FGF1: variants seen among roughly 807,000 people sequenced by gnomAD.
FGF1 encodes the protein fibroblast growth factor 1, also known as beta-endothelial cell growth factor.
A neutral mutation model predicts 13.4 loss-of-function variants in FGF1; 9 were observed. The ratio of observed to expected loss-of-function variants is 0.67; its 90% CI spans 0.40 to 1.17. The LOEUF is 1.17. Ranked by LOEUF, FGF1 falls within the 50% of genes most tolerant of loss-of-function variation. The pLI is 0.01. For missense variants in FGF1, 156 were observed against 192.7 expected, an observed-to-expected ratio of 0.81 and a Z score of 1.13; for synonymous variants, 93 against 79.0, an observed-to-expected ratio of 1.18 and a Z score of -0.94.
chr5:142,682,143 T>A (rs1274116525), intron 1 of FGF1, among the ~76,000 whole-genome samples: 1 of 151,616 alleles, frequency 6.6e-6, no homozygotes, highest in African/African-American at 2.4e-5. Flanking sequence ...TGGAGCGCAA[T>A]GGCGCGATCT....
chr5:142,664,633 T>C (rs1239151236), intron 1 of FGF1, among the ~76,000 whole-genome samples: 1 of 152,230 alleles, frequency 6.6e-6, no homozygotes, highest in African/African-American at 2.4e-5. Flanking sequence ...TGATAAAATA[T>C]GGAAGTAGCC....
rs551355687 is a variant in FGF1, at chr5:142,600,507, GT to G, written c.273+194del. ...TGTTTATATGATAATACATTTGAGA[GT>G]TTTGAGAGAATACTACAAGAAACTC... is the stretch of plus-strand genomic sequence containing the variant. On this transcript the variant is annotated intron_variant, in intron 3 of 3. Transcript: ENST00000337706. Among the ~76,000 whole-genome samples the G allele has an allele frequency of 3.9e-5, 6 of 152,358 alleles. No individual in the cohort carries two copies. In the East Asian group the frequency reaches 1.2e-3, roughly 29 times the overall value.
chr5:142,631,073 G>C (rs1171378756), intron 1 of FGF1, among the ~76,000 whole-genome samples: 1 of 152,118 alleles, frequency 6.6e-6, no homozygotes, highest in Non-Finnish European at 1.5e-5. Flanking sequence ...GGGAGGGAGG[G>C]AACAAATGAA....
chr5:142,648,074 G>C (rs568714112), intron 1 of FGF1, among the ~76,000 whole-genome samples: 2 of 152,262 alleles, frequency 1.3e-5, no homozygotes, highest in East Asian at 3.9e-4. Flanking sequence ...GACAGAGTGA[G>C]ACTCTATCTC....
rs567773125 is a variant in FGF1 at position 142,604,469 on chromosome 5, A to G, written c.170-3664T>C. ...CTTGATATAAACAGTATAAAATTAAAGAGTGTGGGCTCCAGAACACAACTG... is the reference window on the plus strand; with the variant it reads ...CTTGATATAAACAGTATAAAATTAAGGAGTGTGGGCTCCAGAACACAACTG... On this transcript the variant is annotated intron_variant, in intron 2 of 3. Coordinates refer to ENST00000337706, the MANE Select transcript of FGF1 (RefSeq NM_000800.5). Among the ~76,000 whole-genome samples, 8 of 152,324 alleles carry G rather than the reference A, an allele frequency of 5.3e-5. No individual in the cohort carries two copies. The South Asian group carries it at 1.7e-3, about 32-fold the overall frequency.
chr5:142,644,711 G>A (rs765015860), intron 1 of FGF1, among the ~76,000 whole-genome samples: 3 of 152,126 alleles, frequency 2.0e-5, no homozygotes, highest in South Asian at 2.1e-4. Context: ...TACTATAATT[G>A]TCTGTTTATC....
chr5:142,662,397 G>C (rs1769422602), intron 1 of FGF1, among the ~76,000 whole-genome samples: 1 of 152,138 alleles, frequency 6.6e-6, no homozygotes, highest in Non-Finnish European at 1.5e-5. Flanking sequence ...TCTCCAACAT[G>C]CTTATTAGAG....
intron 1 of FGF1, among the ~76,000 whole-genome samples, chr5:142,628,338 G>A (rs182175188): frequency 3.2e-4 from 49 of 152,148 alleles, no homozygotes; most frequent in Admixed American, 2.4e-3. Context: ...ATGAAACCCC[G>A]TCTCTACTAA....
intron 1 of FGF1, among the ~76,000 whole-genome samples, chr5:142,639,119 CA>C (rs1300730769): frequency 6.6e-6 from 1 of 151,826 alleles, no homozygotes; most frequent in Non-Finnish European, 1.5e-5. Flanking sequence ...AGAGGTTCCT[CA>C]AAAAAATAAA....
rs542954022 is a variant in FGF1 at position 142,658,444 on chromosome 5, T to C, written c.-35+27513A>G. Among the ~76,000 whole-genome samples the C allele has an allele frequency of 1.2e-4, 18 of 152,354 alleles. No individual in the cohort carries two copies. In the South Asian group the frequency reaches 3.1e-3, roughly 26 times the overall value. On this transcript the variant is annotated intron_variant, in intron 1 of 3. Coordinates refer to ENST00000337706, the MANE Select transcript of FGF1 (RefSeq NM_000800.5). ...CCTAAAGGCCAAAGGCCAAACTTCT[T>C]AGCATGGCATTCAAGGCTCTTGACT...
rs188387900 is a variant in FGF1 at position 142,667,152 on chromosome 5, C to T, written c.-35+18805G>A. On this transcript the variant is annotated intron_variant, in intron 1 of 3. Coordinates refer to ENST00000337706, the MANE Select transcript of FGF1 (RefSeq NM_000800.5). ...AAAATTAGCTGGGCAACGGTGGTGA[C>T]GGGAGCCTTTAGTCCCAGCTACTCG... is the stretch of plus-strand genomic sequence containing the variant. 1.7e-3 allele frequency among the ~76,000 whole-genome samples: 265 copies of T among 151,668 alleles called. 1 individual carries two copies. Among genetic ancestry groups the T allele is most frequent in the African/African-American group, 5.7e-3 (237 of 41,330 alleles).
In FGF1 at chr5:142,594,289, C is replaced by T. The variant is rs1486977887; in HGVS notation, c.*1001G>A. The T allele has an allele frequency of 1.3e-5, 2 of 152,278 alleles. No homozygotes were observed. Among genetic ancestry groups the T allele is most frequent in the African/African-American group, 4.8e-5 (2 of 41,436 alleles). The allele number at this position is 152,278 out of a possible 1,614,324, so 9.4% of individuals were successfully genotyped here. On this transcript the variant is annotated 3_prime_UTR_variant, in exon 4 of 4. Coordinates refer to ENST00000337706, the MANE Select transcript of FGF1 (RefSeq NM_000800.5). ...AACTGCAGAAACTCTGCCCCCAACC[C>T]ACTGAATCAGAATCTCCATTCAAAC...
chr5:142,673,792 A>G lies in FGF1; in HGVS notation c.-35+12165T>C, dbSNP rs576514051. 1.7e-4 allele frequency among the ~76,000 whole-genome samples: 26 copies of G among 152,226 alleles called. 1 individual carries two copies. In the South Asian group the frequency reaches 5.0e-3, roughly 29 times the overall value. ...CCACCTTCTTTATAGGAGAATATCA[A>G]TCTTCAGCGAGGGTCTTAAAATGTC... On this transcript the variant is annotated intron_variant, in intron 1 of 3. Transcript: ENST00000337706.
In FGF1 at chr5:142,592,799, T is replaced by C. The variant is rs1445145828; in HGVS notation, c.*2491A>G. 1 of 153,992 alleles carries C rather than the reference T, an allele frequency of 6.5e-6. No homozygotes were observed. 9.5% of individuals were successfully genotyped at this position (153,992 alleles called of 1,614,324 possible). A position where few individuals can be genotyped will look rare whatever the true frequency, so the allele number is the denominator to read the frequency against. ...CTGACATTTTGATAGGGGTTTATTT[T>C]ATGCTGGGGTTGCTGATTCTTCCAA... On this transcript the variant is annotated 3_prime_UTR_variant, in exon 4 of 4. Transcript: ENST00000337706.
chr5:142,615,287 A>G (rs1229039209), intron 1 of FGF1, among the ~76,000 whole-genome samples: 2 of 151,926 alleles, frequency 1.3e-5, no homozygotes, highest in Non-Finnish European at 2.9e-5. Context: ...GCACGATCTC[A>G]GCTCACTGCA....
intron 2 of FGF1, among the ~76,000 whole-genome samples, chr5:142,693,546 A>C (rs1273084429): frequency 6.6e-6 from 1 of 152,300 alleles, no homozygotes; most frequent in South Asian, 2.1e-4. Flanking sequence ...TATACTTCAC[A>C]TACTCTGAAG....
intron 1 of FGF1, among the ~76,000 whole-genome samples, chr5:142,624,766 A>G (rs1038818155): frequency 7.2e-5 from 11 of 152,236 alleles, no homozygotes; most frequent in African/African-American, 2.4e-4. Flanking sequence ...AATTTAAAAA[A>G]GAAAAGAAAG....
chr5:142,695,888 A>G (rs953190732), intron 2 of FGF1, among the ~76,000 whole-genome samples: 1 of 152,220 alleles, frequency 6.6e-6, no homozygotes, highest in Non-Finnish European at 1.5e-5. Context: ...GAGGGGAGAC[A>G]GCAGGAAAGT....
chr5:142,687,335 A>C (rs1342383498), upstream of FGF1, among the ~76,000 whole-genome samples: 1 of 152,158 alleles, frequency 6.6e-6, no homozygotes, highest in Non-Finnish European at 1.5e-5. Context: ...GAAGCCATCC[A>C]TGTGCCTTCT....
Sources: allele counts gnomAD v4.1 joint callset (sites outside exome capture counted in the v4.1 genomes callset), GRCh38; gene constraint gnomAD v4.1.1; transcripts MANE v1.5; gene names NCBI Gene and HGNC (gene_info 2026-07-23, HGNC 2026-07-21).